The following BAZ1A variants were observed in gnomAD, a reference collection of about 807,000 sequenced individuals.
BAZ1A encodes the protein bromodomain adjacent to zinc finger domain 1A, also known as bromodomain adjacent to zinc finger domain protein 1A.
BAZ1A carries 50 observed loss-of-function variants against 185.2 expected under a neutral mutation model. The ratio of observed to expected loss-of-function variants is 0.27; its 90% CI spans 0.22 to 0.34. The LOEUF is 0.34. Among genes scored for constraint, BAZ1A ranks in the 10% least tolerant of loss-of-function variants. BAZ1A has a pLI of 1.00. For missense variants in BAZ1A, 1,356 were observed against 1,839.9 expected (o/e 0.74, Z 4.81); for synonymous variants, 571 against 615.6 (o/e 0.93, Z 1.07).
chr14:34,874,790 A>C lies in BAZ1A; in HGVS notation c.-58-128T>G. ...ACTGACGCGCCGCGGCCGCTACCGG[A>C]GCCGAGTTCGTTCCTGCCGCTGCCC... On this transcript the variant is annotated intron_variant, in intron 1 of 26. Transcript: ENST00000360310. The surrounding 1 kb of genome is among the most constrained non-coding windows in gnomAD (Gnocchi z 4.7). 1.9e-6 allele frequency: 1 copy of C among 516,026 alleles called. No homozygotes were observed. Among genetic ancestry groups the C allele is most frequent in the Non-Finnish European group, 3.4e-6 (1 of 296,790 alleles). 32.0% of individuals were successfully genotyped at this position (516,026 alleles called of 1,614,324 possible).
chr14:34,834,252 G>T (rs767790898), intron 3 of BAZ1A, among the ~76,000 whole-genome samples: 1 of 152,188 alleles, frequency 6.6e-6, no homozygotes, highest in East Asian at 1.9e-4. Flanking sequence ...CCTATGACAA[G>T]GTTGCTCAAG....
intron 3 of BAZ1A, among the ~76,000 whole-genome samples, chr14:34,850,948 G>T (rs1250829019): frequency 6.6e-6 from 1 of 152,120 alleles, no homozygotes; most frequent in African/African-American, 2.4e-5. Context: ...CAGAAAAACA[G>T]CTACCTATCC....
At chr14:34,761,004 C>T (rs901826697) in intron 24 of BAZ1A, among the ~76,000 whole-genome samples, 1 of 151,874 alleles carries the variant, frequency 6.6e-6, no homozygotes, top group Admixed American at 6.6e-5. Context: ...TGAGGCCAGG[C>T]GCGGTGGCTC....
chr14:34,850,939 A>C (rs774690226), intron 3 of BAZ1A, among the ~76,000 whole-genome samples: 1 of 152,224 alleles, frequency 6.6e-6, no homozygotes, highest in Non-Finnish European at 1.5e-5. Context: ...GAAATTATGC[A>C]GAAAAACAGC....
intron 2 of BAZ1A, among the ~76,000 whole-genome samples, chr14:34,870,004 C>T (rs1314969510): frequency 6.6e-6 from 1 of 152,176 alleles, no homozygotes; most frequent in Non-Finnish European, 1.5e-5. Context: ...GCCTAGCCTC[C>T]AGCTGACTGC....
At chr14:34,840,127 T>C (rs1268266087) in intron 3 of BAZ1A, among the ~76,000 whole-genome samples, 1 of 152,174 alleles carries the variant, frequency 6.6e-6, no homozygotes, top group Non-Finnish European at 1.5e-5. Context: ...ACTGCTTTTC[T>C]AAAAACCTGG....
chr14:34,826,192 T>A, intron 3 of BAZ1A, 36 bp from the exon 4 acceptor site: 1 of 1,595,766 alleles, frequency 6.3e-7, no homozygotes, highest in Non-Finnish European at 8.5e-7. Context: ...ATGCAAATCA[T>A]TTCATATTTT....
At chr14:34,828,747 T>C (rs2042198236) in intron 3 of BAZ1A, 1 of 152,242 alleles carries the variant, frequency 6.6e-6, no homozygotes, top group South Asian at 2.1e-4. Flanking sequence ...TGCTCTTCAA[T>C]ATCCTGGAAA....
At position 34,826,075 on chromosome 14, in the gene BAZ1A, T is replaced by C. The variant is rs752678168; in HGVS notation, c.474A>G (p.Gly158=). The change falls in exon 4 of 27, where the codon GGA becomes GGG. Residue 158 remains glycine, a synonymous_variant. Coordinates refer to ENST00000360310, the MANE Select transcript of BAZ1A (RefSeq NM_013448.3). ...CACTATCACTGATGATAATAGTTTC[T>C]CCATCCACACTGTTAACATGTCCAT... ...FANGHVNSVD[G]ETIIISDSDD... is the part of the protein sequence containing the mutation. 1.2e-6 allele frequency: 2 copies of C among 1,611,000 alleles called. No homozygotes were observed. The highest frequency in any genetic ancestry group is 2.2e-5 in the South Asian group (2 of 90,416).
chr14:34,863,791 G>A (rs1228747343), intron 2 of BAZ1A, among the ~76,000 whole-genome samples: 2 of 152,092 alleles, frequency 1.3e-5, no homozygotes, highest in Non-Finnish European at 2.9e-5. Flanking sequence ...AGGGGAGACT[G>A]GGAAGGAAGG....
intron 4 of BAZ1A, among the ~76,000 whole-genome samples, chr14:34,824,408 C>CAACAAA (rs2042134375): frequency 1.5e-5 from 1 of 65,772 alleles, no homozygotes; most frequent in Non-Finnish European, 2.5e-5. Flanking sequence ...AGCAGCAACT[C>CAACAAA]AAAAAAAAAA....
In BAZ1A at chr14:34,769,360, T is replaced by G. The variant is rs78099797; in HGVS notation, c.3301+2151A>C. On this transcript the variant is annotated intron_variant, in intron 21 of 26. Transcript: ENST00000360310. ...ATTTGACTTCAACCAATATTTAACT[T>G]TGACACTACCAAAGTAACAAACTTT... 1.4e-3 allele frequency among the ~76,000 whole-genome samples: 212 copies of G among 152,320 alleles called. 4 individuals are homozygous for G. The East Asian group carries it at 0.034, about 24-fold the overall frequency.
intron 2 of BAZ1A, among the ~76,000 whole-genome samples, chr14:34,864,996 T>C (rs1683890555): frequency 6.6e-6 from 1 of 151,824 alleles, no homozygotes; most frequent in Non-Finnish European, 1.5e-5. Flanking sequence ...CAGGATGGTC[T>C]TGATCTCCTG....
At chr14:34,824,400 C>CAAAAAA (rs2042132910) in intron 4 of BAZ1A, among the ~76,000 whole-genome samples, 1 of 29,202 alleles carries the variant, frequency 3.4e-5, no homozygotes, top group African/African-American at 1.3e-4. Context: ...AAAAAAAAAG[C>CAAAAAA]AGCAACTCAA....
chr14:34,772,349 G>A (rs931644379), intron 20 of BAZ1A, among the ~76,000 whole-genome samples: 1 of 152,050 alleles, frequency 6.6e-6, no homozygotes, highest in African/African-American at 2.4e-5. Context: ...TTAGGGCTCA[G>A]CTTTGCAGTC....
chr14:34,793,048 G>T, intron 11 of BAZ1A, 127 bp from the exon 12 acceptor site: 1 of 791,070 alleles, frequency 1.3e-6, no homozygotes, highest in Non-Finnish European at 1.9e-6. Flanking sequence ...ATTTATGAAA[G>T]TATAACCAAG....
At chr14:34,845,439 G>T (rs1453280647) in intron 3 of BAZ1A, 2 of 151,950 alleles carry the variant, frequency 1.3e-5, no homozygotes, top group African/African-American at 2.4e-5. Context: ...TGATGCATAC[G>T]TCAAATGAAT....
chr14:34,823,287 G>A (rs904754361), intron 4 of BAZ1A, among the ~76,000 whole-genome samples: 1 of 152,050 alleles, frequency 6.6e-6, no homozygotes, highest in African/African-American at 2.4e-5. Flanking sequence ...CCAGGAAGTA[G>A]AGGTTGCAGT....
chr14:34,795,075 CT>C (rs1295003939), intron 10 of BAZ1A, among the ~76,000 whole-genome samples, 188 bp from the exon 11 acceptor site: 1 of 152,208 alleles, frequency 6.6e-6, no homozygotes, highest in Non-Finnish European at 1.5e-5. Flanking sequence ...CTTGTTCCAA[CT>C]TTACTAAATC....
Sources: allele counts gnomAD v4.1 joint callset (sites outside exome capture counted in the v4.1 genomes callset), GRCh38; gene constraint gnomAD v4.1.1; non-coding constraint Gnocchi (gnomAD v3.1); transcripts MANE v1.5; gene names NCBI Gene and HGNC (gene_info 2026-07-23, HGNC 2026-07-21).